The following BTBD8 variants were observed in gnomAD, a reference collection of about 807,000 sequenced individuals.
The protein encoded by BTBD8 is BTB domain containing 8, also known as BTB/POZ domain-containing protein 8.
In BTBD8, 110 loss-of-function variants were observed where a neutral mutation model predicts 162.9. The ratio of observed to expected loss-of-function variants is 0.68; its 90% CI spans 0.58 to 0.79. The LOEUF (loss-of-function observed/expected upper bound fraction) is 0.79. Ranked by LOEUF, BTBD8 falls within the 30% of genes least tolerant of loss-of-function variation. The pLI is 0.00. For synonymous variants in BTBD8, 667 were observed against 716.1 expected (o/e 0.93, Z 1.10); for missense variants, 1,905 against 2,085.4 (o/e 0.91, Z 1.68).
At chr1:92,122,416 G>A (rs1156937856) in intron 4 of BTBD8, among the ~76,000 whole-genome samples, 3 of 151,808 alleles carry the variant, frequency 2.0e-5, no homozygotes, top group Non-Finnish European at 2.9e-5. Flanking sequence ...GTGCCACCAC[G>A]CCCAGCTAAT....
intron 2 of BTBD8, among the ~76,000 whole-genome samples, chr1:92,092,972 A>G (rs1416762929): frequency 2.0e-5 from 3 of 152,128 alleles, no homozygotes; most frequent in Admixed American, 2.0e-4. Context: ...ATGCTTTAGC[A>G]GTTTCTTTAA....
intron 1 of BTBD8, among the ~76,000 whole-genome samples, chr1:92,081,559 A>G (rs1648012718): frequency 6.6e-6 from 1 of 152,180 alleles, no homozygotes; most frequent in African/African-American, 2.4e-5. Context: ...CTAATAATTA[A>G]AAGTTGTGCA....
intron 2 of BTBD8, among the ~76,000 whole-genome samples, chr1:92,089,733 A>T (rs1648249164): frequency 6.6e-6 from 1 of 152,132 alleles, no homozygotes; most frequent in Admixed American, 6.5e-5. Flanking sequence ...TGACCTAATC[A>T]TCTCTCAAAT....
At chr1:92,174,734 T>C (rs951529603) in intron 13 of BTBD8, among the ~76,000 whole-genome samples, 1 of 152,132 alleles carries the variant, frequency 6.6e-6, no homozygotes, top group African/African-American at 2.4e-5. Flanking sequence ...ATAGGACCAG[T>C]CTCTACGCTG....
At chr1:92,119,348 C>T (rs1649131077) in intron 4 of BTBD8, among the ~76,000 whole-genome samples, 3 of 146,628 alleles carry the variant, frequency 2.0e-5, no homozygotes, top group Admixed American at 6.8e-5. Flanking sequence ...TACAGTGACG[C>T]GATCATGGGT....
chr1:92,118,301 T>C (rs1649099481), intron 4 of BTBD8, among the ~76,000 whole-genome samples: 1 of 132,754 alleles, frequency 7.5e-6, no homozygotes, highest in Non-Finnish European at 1.6e-5. Context: ...TTTTTTTTTT[T>C]TGATGACATT....
At chr1:92,174,727 G>A (rs1650657200) in intron 13 of BTBD8, among the ~76,000 whole-genome samples, 1 of 152,114 alleles carries the variant, frequency 6.6e-6, no homozygotes, top group South Asian at 2.1e-4. Flanking sequence ...GCTGTGAATA[G>A]GACCAGTCTC....
At chr1:92,161,985 AC>A (rs534478377) in intron 9 of BTBD8, among the ~76,000 whole-genome samples, 69 of 150,558 alleles carry the variant, frequency 4.6e-4, no homozygotes, top group African/African-American at 1.7e-3. Flanking sequence ...TTCCTCACCC[AC>A]CCACCCCCTT....
At chr1:92,166,215 T>C (rs1650381331) in intron 9 of BTBD8, among the ~76,000 whole-genome samples, 1 of 152,126 alleles carries the variant, frequency 6.6e-6, no homozygotes, top group Admixed American at 6.5e-5. Flanking sequence ...GGATTATAAG[T>C]AATTTTTAGT....
At chr1:92,182,685 G>T (rs1413884697) in intron 17 of BTBD8, 90 bp downstream of exon 17, 1 of 749,114 alleles carries the variant, frequency 1.3e-6, no homozygotes, top group Non-Finnish European at 2.0e-6. Flanking sequence ...TTATATTTTA[G>T]TCAGATAGAA....
intron 4 of BTBD8, among the ~76,000 whole-genome samples, chr1:92,108,820 A>G (rs775818507): frequency 2.0e-5 from 3 of 152,218 alleles, no homozygotes; most frequent in Non-Finnish European, 2.9e-5. Context: ...GAAGGTTGAT[A>G]AGAAGTTATT....
At chr1:92,147,046 T>G in intron 7 of BTBD8, 134 bp from the exon 8 acceptor site, 1 of 517,678 alleles carries the variant, frequency 1.9e-6, no homozygotes. Flanking sequence ...GAAAATAAAT[T>G]TTGAATTTAT....
chr1:92,117,013 TAATTTAAAA>T (rs944026956), intron 4 of BTBD8, among the ~76,000 whole-genome samples: 4 of 151,894 alleles, frequency 2.6e-5, no homozygotes, highest in African/African-American at 7.3e-5. Context: ...CATACTCAGC[TAATTTAAAA>T]AATTTTTTGT....
chr1:92,130,472 C>T (rs1649485707), intron 5 of BTBD8, among the ~76,000 whole-genome samples: 1 of 149,168 alleles, frequency 6.7e-6, no homozygotes, highest in Non-Finnish European at 1.5e-5. Flanking sequence ...ATGATTATAC[C>T]ACTACATTCC....
intron 14 of BTBD8, 90 bp from the exon 15 acceptor site, chr1:92,177,720 AT>A: frequency 1.1e-6 from 1 of 887,316 alleles, no homozygotes; most frequent in East Asian, 2.6e-5. Flanking sequence ...TTAATATTTC[AT>A]TTTGTTTATA....
Position 92,178,330 on chromosome 1 carries a change from T to A in BTBD8, c.2460T>A (p.Ser820Arg). Reference sequence around the variant, plus strand: ...TTTTTAGTGTACTAAAGAAAGTCAGTGGCAAAGGATGTAGTGAGCCAGTAC... The same window carrying A: ...TTTTTAGTGTACTAAAGAAAGTCAGAGGCAAAGGATGTAGTGAGCCAGTAC... ...NVNNSVLKKV[S>R]GKGCSEPVPQ... The change falls in exon 16 of 18, where the codon AGT (serine) becomes AGA (arginine). Residue 820 changes from serine (S) to arginine (R), a missense_variant. Ser to Arg is a moderately radical substitution (Grantham distance 110). Transcript: ENST00000636805. 1 of 1,550,698 alleles carries A rather than the reference T, an allele frequency of 6.4e-7. No individual in the cohort carries two copies. Among genetic ancestry groups the A allele is most frequent in the Non-Finnish European group, 8.7e-7 (1 of 1,146,582 alleles).
At chr1:92,183,161 A>G (rs1650969781) in intron 17 of BTBD8, among the ~76,000 whole-genome samples, 1 of 152,186 alleles carries the variant, frequency 6.6e-6, no homozygotes, top group African/African-American at 2.4e-5. Flanking sequence ...AGCAATGATA[A>G]TATATGAAAA....
intron 9 of BTBD8, among the ~76,000 whole-genome samples, chr1:92,153,122 AAT>A (rs1188577215): frequency 4.4e-4 from 42 of 96,164 alleles, no homozygotes. Context: ...ATGCAATATT[AAT>A]AGTGTTTTTT....
chr1:92,123,203 A>G (rs1649263263), intron 4 of BTBD8, among the ~76,000 whole-genome samples: 1 of 152,182 alleles, frequency 6.6e-6, no homozygotes, highest in South Asian at 2.1e-4. Context: ...CCAGTGATTT[A>G]TATGTCCACC....
Sources: gnomAD v4.1 joint callset for allele counts (sites outside exome capture counted in the v4.1 genomes callset) on GRCh38, gnomAD v4.1.1 for gene constraint, MANE v1.5 for transcripts, NCBI Gene and HGNC (gene_info 2026-07-23, HGNC 2026-07-21) for gene names.